GRIN2B: variants seen among roughly 807,000 people sequenced by gnomAD.
The protein encoded by GRIN2B is glutamate ionotropic receptor NMDA type subunit 2B.
Under a neutral mutation model 114.5 loss-of-function variants are expected in GRIN2B, and 5 were observed. The ratio of observed to expected loss-of-function variants is 0.04; its 90% CI spans 0.02 to 0.09. The LOEUF (loss-of-function observed/expected upper bound fraction) is 0.09. Among genes scored for constraint, GRIN2B ranks in the 10% least tolerant of loss-of-function variants. The pLI is 1.00. For missense variants in GRIN2B, 1,108 were observed against 1,943.5 expected (o/e 0.57, Z 8.08); for synonymous variants, 787 against 745.1 (o/e 1.06, Z -0.92).
rs997468759 is a variant in GRIN2B at position 13,845,847 on chromosome 12, T to C, written c.411+19951A>G. ...TCAACATTCTCTTTGCAACCTTTTA[T>C]GTGCCAAATCTTAAAATCTGTCAGC... is the stretch of plus-strand genomic sequence containing the variant. On this transcript the variant is annotated intron_variant, in intron 3 of 13. Coordinates refer to ENST00000609686, the MANE Select transcript of GRIN2B (RefSeq NM_000834.5). Among the ~76,000 whole-genome samples the C allele has an allele frequency of 8.5e-5, 13 of 152,228 alleles. 1 individual carries two copies.
chr12:13,564,111 A>G lies in GRIN2B; in HGVS notation c.3127T>C (p.Ser1043Pro). Reference protein sequence around the residue: ...SQLSDLYGKFSFKSDRYSGHD... With the variant: ...SQLSDLYGKFPFKSDRYSGHD... The stretch of plus-strand genomic sequence containing the variant: ...CCACTGTAGCGGTCGCTCTTGAAGG[A>G]GAATTTGCCGTACAGGTCACTGAGC... The change falls in exon 14 of 14, where the codon TCC (serine) becomes CCC (proline). Residue 1043 changes from serine to proline, a missense_variant. By Grantham distance (74) the Ser-to-Pro change is moderately conservative. Transcript: ENST00000609686. This position sits in a 1 kb window ranked among gnomAD's most constrained non-coding sequence, Gnocchi z 4.8. The G allele has an allele frequency of 6.2e-7, 1 of 1,614,050 alleles. No homozygotes were observed.
intron 4 of GRIN2B, among the ~76,000 whole-genome samples, chr12:13,749,277 G>A (rs924732834): frequency 6.6e-6 from 1 of 152,160 alleles, no homozygotes; most frequent in East Asian, 1.9e-4. Flanking sequence ...CATCCCCTAA[G>A]TGTAGACTTA....
intron 2 of GRIN2B, among the ~76,000 whole-genome samples, chr12:13,917,835 C>CT (rs919801208): frequency 6.6e-5 from 10 of 152,086 alleles, no homozygotes. Context: ...CAACAGTGTT[C>CT]TTTTTTTCTT....
chr12:13,864,489 C>T (rs1865793216), intron 3 of GRIN2B, among the ~76,000 whole-genome samples: 1 of 151,986 alleles, frequency 6.6e-6, no homozygotes, highest in African/African-American at 2.4e-5. Context: ...AGTAGAAACC[C>T]AAAATGATGA....
At chr12:13,748,359 G>A (rs1863425437) in intron 4 of GRIN2B, among the ~76,000 whole-genome samples, 2 of 152,196 alleles carry the variant, frequency 1.3e-5, no homozygotes, top group Non-Finnish European at 2.9e-5. Context: ...GTACCATCAC[G>A]TGAGTGACAG....
At chr12:13,851,121 A>C (rs897061485) in intron 3 of GRIN2B, among the ~76,000 whole-genome samples, 1 of 152,150 alleles carries the variant, frequency 6.6e-6, no homozygotes, top group Non-Finnish European at 1.5e-5. Flanking sequence ...CAAATCCAGG[A>C]TTCAAAACAT....
intron 2 of GRIN2B, among the ~76,000 whole-genome samples, chr12:13,913,488 G>A (rs906293797): frequency 6.6e-5 from 10 of 152,178 alleles, no homozygotes; most frequent in Admixed American, 5.2e-4. Flanking sequence ...AACTGCTGGC[G>A]CTGCTGTCTG....
rs71067735 is a variant in GRIN2B at position 13,878,063 on chromosome 12, CAAAAAAAAA to C, written c.-18-11846_-18-11838del. Among the ~76,000 whole-genome samples the C allele has an allele frequency of 2.2e-4, 16 of 73,224 alleles. No individual in the cohort carries two copies. The East Asian group carries it at 5.7e-3, about 26-fold the overall frequency. 48.0% of individuals were successfully genotyped at this position (73,224 alleles called of 152,430 possible). A position where few individuals can be genotyped will look rare whatever the true frequency, so the allele number is the denominator to read the frequency against. On this transcript the variant is annotated intron_variant, in intron 2 of 13. Transcript: ENST00000609686. ...TGGGTGACAGAGCAAGACTCTGTCTCAAAAAAAAAAAAAAAAAAAAAAAAATCTACTGTC... is the reference window on the plus strand; with the variant it reads ...TGGGTGACAGAGCAAGACTCTGTCTCAAAAAAAAAAAAAAAATCTACTGTC...
chr12:13,760,362 A>T (rs1863656413), intron 3 of GRIN2B, among the ~76,000 whole-genome samples: 1 of 152,328 alleles, frequency 6.6e-6, no homozygotes, highest in South Asian at 2.1e-4. Flanking sequence ...TGCTGCAACC[A>T]GATGCTCTCA....
intron 3 of GRIN2B, among the ~76,000 whole-genome samples, chr12:13,754,144 A>C (rs1440307737): frequency 1.3e-5 from 2 of 152,200 alleles, no homozygotes; most frequent in African/African-American, 4.8e-5. Context: ...AAATCAACCT[A>C]TGTCTATACT....
intron 5 of GRIN2B, among the ~76,000 whole-genome samples, chr12:13,646,670 C>T (rs77221482): frequency 2.6e-5 from 4 of 151,962 alleles, no homozygotes; most frequent in Non-Finnish European, 5.9e-5. Context: ...TCCTCTTCTC[C>T]TTCTCCTTCT....
At chr12:13,630,515 G>C (rs1332935884) in intron 5 of GRIN2B, among the ~76,000 whole-genome samples, 1 of 152,052 alleles carries the variant, frequency 6.6e-6, no homozygotes, top group Non-Finnish European at 1.5e-5. Flanking sequence ...ATAGTCAGTG[G>C]GTCTTGTCTT....
At chr12:13,781,737 A>G (rs1356717214) in intron 3 of GRIN2B, among the ~76,000 whole-genome samples, 1 of 152,208 alleles carries the variant, frequency 6.6e-6, no homozygotes, top group Non-Finnish European at 1.5e-5. Context: ...TTGTCTCAGT[A>G]TAAGGAAAAT....
At chr12:13,599,078 G>T (rs1456089377) in intron 10 of GRIN2B, among the ~76,000 whole-genome samples, 3 of 152,132 alleles carry the variant, frequency 2.0e-5, no homozygotes, top group Admixed American at 2.0e-4. Flanking sequence ...TGATGCTCTC[G>T]ATCAAAGCCA....
chr12:13,981,759 G>C (rs1036526938), upstream of GRIN2B, among the ~76,000 whole-genome samples: 1 of 151,814 alleles, frequency 6.6e-6, no homozygotes, highest in Non-Finnish European at 1.5e-5. Context: ...AGCCGGAGAG[G>C]GAGAGCAGGA....
At chr12:13,817,931 A>G (rs1291381023) in intron 3 of GRIN2B, among the ~76,000 whole-genome samples, 1 of 152,152 alleles carries the variant, frequency 6.6e-6, no homozygotes, top group African/African-American at 2.4e-5. Context: ...GGGAGTTCTG[A>G]ATTATTCATT....
intron 2 of GRIN2B, among the ~76,000 whole-genome samples, chr12:13,936,871 T>C (rs1450203908): frequency 1.3e-5 from 2 of 151,614 alleles, no homozygotes; most frequent in Admixed American, 6.6e-5. Context: ...AAATAAAAGT[T>C]CTATAACTAG....
At chr12:13,868,366 G>A (rs1380853613) in intron 2 of GRIN2B, among the ~76,000 whole-genome samples, 2 of 151,782 alleles carry the variant, frequency 1.3e-5, no homozygotes. Context: ...AGAACTTAAA[G>A]GAAAGAAACA....
chr12:13,832,135 T>C (rs940750004), intron 3 of GRIN2B, among the ~76,000 whole-genome samples: 3 of 152,180 alleles, frequency 2.0e-5, no homozygotes, highest in African/African-American at 7.2e-5. Context: ...CCATGAAAAT[T>C]TAGCAACTTT....
Sources: gnomAD v4.1 joint callset for allele counts (sites outside exome capture counted in the v4.1 genomes callset) on GRCh38, gnomAD v4.1.1 for gene constraint, Gnocchi (gnomAD v3.1) non-coding constraint, MANE v1.5 for transcripts, NCBI Gene and HGNC (gene_info 2026-07-23, HGNC 2026-07-21) for gene names.